PCM1: variants seen among roughly 807,000 people sequenced by gnomAD.
PCM1 encodes pericentriolar material 1, also known as pericentriolar material 1 protein.
A neutral mutation model predicts 241.9 loss-of-function variants in PCM1; 157 were observed. The ratio of observed to expected loss-of-function variants is 0.65; its 90% CI spans 0.57 to 0.74. The LOEUF is 0.74. Among genes scored for constraint, PCM1 ranks in the 30% least tolerant of loss-of-function variants. PCM1 has a pLI of 0.00. For synonymous variants in PCM1, 1,085 were observed against 784.9 expected, an observed-to-expected ratio of 1.38 and a Z score of -6.39; for missense variants, 3,478 against 2,360.1, an observed-to-expected ratio of 1.47 and a Z score of -9.81.
intron 30 of PCM1, among the ~76,000 whole-genome samples, chr8:18,007,924 AGAG>A (rs2091768867): frequency 6.6e-6 from 1 of 152,158 alleles, no homozygotes; most frequent in African/African-American, 2.4e-5. Context: ...AGAAGGAAAA[AGAG>A]GAGTGGTTTT....
intron 1 of PCM1, among the ~76,000 whole-genome samples, chr8:17,923,763 G>C (rs1450171095): frequency 1.3e-5 from 2 of 152,074 alleles, no homozygotes; most frequent in Non-Finnish European, 2.9e-5. Context: ...CGGGGGAGGC[G>C]TTCCTGGGAA....
At chr8:17,947,151 A>T in intron 6 of PCM1, 35 bp from the exon 7 acceptor site, 2 of 1,371,086 alleles carry the variant, frequency 1.5e-6, no homozygotes, top group Non-Finnish European at 2.0e-6. Flanking sequence ...GGATTTTAAT[A>T]GTCAGATACA....
At chr8:17,984,521 A>C (rs1372348896) in intron 24 of PCM1, among the ~76,000 whole-genome samples, 1 of 151,922 alleles carries the variant, frequency 6.6e-6, no homozygotes. Context: ...GATATCTTAT[A>C]TTAGTAATGT....
At position 18,029,138 on chromosome 8, in the gene PCM1, CAG is replaced by C. The variant is rs2094393684; in HGVS notation, c.*1479_*1480del. 1 of 125,140 alleles carries C rather than the reference CAG, an allele frequency of 8.0e-6. No homozygotes were observed. Among genetic ancestry groups the C allele is most frequent in the Non-Finnish European group, 1.4e-5 (1 of 69,356 alleles). 7.8% of individuals were successfully genotyped at this position (125,140 alleles called of 1,614,324 possible). On this transcript the variant is annotated 3_prime_UTR_variant, in exon 39 of 39. Coordinates refer to ENST00000325083, the MANE Select transcript of PCM1 (RefSeq NM_006197.4). ...ATGCCACTGCACTCCAGCCTGGCAA[CAG>C]AGCGAGACTCTGTCTCAAAAAAAAA...
intron 9 of PCM1, among the ~76,000 whole-genome samples, chr8:17,954,739 G>A (rs1281137308): frequency 6.6e-6 from 1 of 152,156 alleles, no homozygotes; most frequent in Non-Finnish European, 1.5e-5. Context: ...GTAGAGAAGT[G>A]CAAAGATTCT....
intron 25 of PCM1, 93 bp downstream of exon 25, chr8:17,985,712 T>C: frequency 1.0e-6 from 1 of 1,004,922 alleles, no homozygotes; most frequent in Non-Finnish European, 1.5e-6. Flanking sequence ...ATGTGCCATA[T>C]GAATTTTCAT....
Position 17,989,272 on chromosome 8 carries a change from TGTG to T in PCM1, c.4411-582_4411-580del, listed in dbSNP as rs1048772912. On this transcript the variant is annotated intron_variant, in intron 26 of 38. Transcript: ENST00000325083. Reference sequence around the variant, plus strand: ...ACAGTGATAGAAATCATGAGTAGGGTGTGGTGGAGATTGACTGTAGAGGGTTGT... The same window carrying T: ...ACAGTGATAGAAATCATGAGTAGGGTGTGGAGATTGACTGTAGAGGGTTGT... 2.0e-3 allele frequency among the ~76,000 whole-genome samples: 308 copies of T among 151,778 alleles called. 3 individuals are homozygous for T. The highest frequency in any genetic ancestry group is 5.9e-4 in the Non-Finnish European group (40 of 67,792).
chr8:17,987,287 A>C (rs1175331794), intron 26 of PCM1, among the ~76,000 whole-genome samples: 1 of 151,826 alleles, frequency 6.6e-6, no homozygotes, highest in Non-Finnish European at 1.5e-5. Context: ...GTTAAATTAT[A>C]TTAAGGTTTA....
At chr8:17,980,150 G>A (rs1041683610) in intron 23 of PCM1, 2 of 152,268 alleles carry the variant, frequency 1.3e-5, no homozygotes, top group African/African-American at 4.8e-5. Context: ...CTATCAGTGG[G>A]TAAGACCTTT....
At chr8:17,925,701 G>T (rs1276302954) in intron 2 of PCM1, 2 of 152,314 alleles carry the variant, frequency 1.3e-5, no homozygotes, top group East Asian at 1.9e-4. Flanking sequence ...GCCAGGCGTG[G>T]TGGCGGGCAC....
chr8:17,957,631 A>T lies in PCM1; in HGVS notation c.1896A>T (p.Gly632=). 1.3e-6 allele frequency: 2 copies of T among 1,586,538 alleles called. No individual in the cohort carries two copies. Among genetic ancestry groups the T allele is most frequent in the Non-Finnish European group, 1.7e-6 (2 of 1,165,124 alleles). Residue 632 remains glycine, a synonymous_variant, in exon 13 of 39, where the codon GGA becomes GGT. Transcript: ENST00000325083. ...EEEEEEAEEE[G]VSGASLSSHR... ...AGGAGGAAGAAGCAGAAGAGGAGGG[A>T]GTCAGTGGAGCTTCATTATCTAGTC...
intron 21 of PCM1, 178 bp from the exon 22 acceptor site, chr8:17,969,399 A>T (rs1799612025): frequency 1.9e-6 from 1 of 535,476 alleles, no homozygotes; most frequent in African/African-American, 2.0e-5. Flanking sequence ...CAATGCCTAA[A>T]ACATAGTGGC....
At position 17,939,796 on chromosome 8, in the gene PCM1, A is replaced by T. The variant is rs2061497245; in HGVS notation, c.718A>T (p.Thr240Ser). The part of the protein sequence containing the change: ...NERSANVERL[T>S]HLIDHLKEQE... ...GAGATCTGCTAATGTTGAGCGCCTT[A>T]CTCATCTAATAGATCACCTTAAAGA... Residue 240 changes from threonine (T) to serine (S), a missense_variant, in exon 6 of 39, where the codon ACT becomes TCT. Coordinates refer to ENST00000325083, the MANE Select transcript of PCM1 (RefSeq NM_006197.4). 1 of 1,544,320 alleles carries T rather than the reference A, an allele frequency of 6.5e-7. No homozygotes were observed. The highest frequency in any genetic ancestry group is 1.9e-5 in the Admixed American group (1 of 52,170).
At chr8:17,930,992 CATT>C (rs752243665) in intron 2 of PCM1, among the ~76,000 whole-genome samples, 5 of 152,094 alleles carry the variant, frequency 3.3e-5, no homozygotes, top group Non-Finnish European at 7.4e-5. Context: ...TTGGTGTCAT[CATT>C]AAGTTACAAA....
At chr8:18,026,260 CTTTT>C (rs35129825) in intron 38 of PCM1, among the ~76,000 whole-genome samples, 3 of 109,206 alleles carry the variant, frequency 2.7e-5, no homozygotes, top group African/African-American at 6.8e-5. Flanking sequence ...CAAAAACCCA[CTTTT>C]TTTTTTTTTT....
rs958206382 is a variant in PCM1 at position 17,991,577 on chromosome 8, A to G, written c.4567A>G (p.Arg1523Gly). ...GATTCACTTAGATCAAGCATTAGCC[A>G]GAATGAGAGAATATGAGCGTATGAA... is the stretch of plus-strand genomic sequence containing the variant. ...TVIHLDQALA[R>G]MREYERMKTE... The change falls in exon 28 of 39, where the codon AGA becomes GGA. Residue 1523 changes from arginine to glycine, a missense_variant. Physicochemically the swap from Arg to Gly is moderately radical, Grantham distance 125. Transcript: ENST00000325083. The G allele has an allele frequency of 1.2e-6, 2 of 1,601,688 alleles. No individual in the cohort carries two copies. Among genetic ancestry groups the G allele is most frequent in the Middle Eastern group, 1.7e-4 (1 of 6,046 alleles).
At chr8:17,945,430 T>A (rs1216217516) in intron 6 of PCM1, among the ~76,000 whole-genome samples, 1 of 152,310 alleles carries the variant, frequency 6.6e-6, no homozygotes, top group East Asian at 1.9e-4. Flanking sequence ...CCCATGCTCA[T>A]GAAGTCTAGA....
chr8:18,025,133 C>G (rs1476803907), intron 36 of PCM1: 1 of 156,822 alleles, frequency 6.4e-6, no homozygotes, highest in East Asian at 1.4e-4. Flanking sequence ...GCCCCCCTGC[C>G]TTTTTTTTTT....
intron 28 of PCM1, among the ~76,000 whole-genome samples, 177 bp from the exon 29 acceptor site, chr8:17,993,306 G>T (rs1207595319): frequency 6.6e-6 from 1 of 151,998 alleles, no homozygotes; most frequent in Non-Finnish European, 1.5e-5. Flanking sequence ...ATATCTAATG[G>T]TGGTTTTATT....
Sources: allele counts gnomAD v4.1 joint callset (sites outside exome capture counted in the v4.1 genomes callset), GRCh38; gene constraint gnomAD v4.1.1; transcripts MANE v1.5; gene names NCBI Gene and HGNC (gene_info 2026-07-23, HGNC 2026-07-21).